Variants in CPNE4 observed in about 807,000 individuals in gnomAD.
The protein encoded by CPNE4 is copine 4, also known as copine-4.
Under a neutral mutation model 67.9 loss-of-function variants are expected in CPNE4, and 25 were observed. That is an observed-to-expected ratio of 0.37 (90% CI 0.27 to 0.51). The LOEUF (loss-of-function observed/expected upper bound fraction) is 0.51. Ranked by LOEUF, CPNE4 falls within the 20% of genes least tolerant of loss-of-function variation. The pLI is 0.93. For missense variants in CPNE4, 464 were observed against 690.8 expected (o/e 0.67, Z 3.68); for synonymous variants, 242 against 244.9 (o/e 0.99, Z 0.11).
intron 7 of CPNE4, among the ~76,000 whole-genome samples, chr3:131,637,745 A>G (rs1234686989): frequency 1.3e-5 from 2 of 152,212 alleles, no homozygotes; most frequent in African/African-American, 2.4e-5. Context: ...CCAGTTATCT[A>G]AAGTCAAGAT....
chr3:131,951,210 A>G (rs887756983), intron 1 of CPNE4, among the ~76,000 whole-genome samples: 29 of 152,196 alleles, frequency 1.9e-4, no homozygotes, highest in African/African-American at 6.8e-4. Flanking sequence ...AGAATATTGT[A>G]CATTTGGAAG....
Position 131,705,244 on chromosome 3 carries a change from C to A in CPNE4, c.361-5264G>T, listed in dbSNP as rs151048492. Reference sequence around the variant, plus strand: ...TATCCTTGCTACTCACATTGTATACCACTCCCCCGTCCAACAGCAGCAGCA... The same window carrying A: ...TATCCTTGCTACTCACATTGTATACAACTCCCCCGTCCAACAGCAGCAGCA... On this transcript the variant is annotated intron_variant, in intron 3 of 15. Transcript: ENST00000429747. Among the ~76,000 whole-genome samples the A allele has an allele frequency of 4.4e-3, 662 of 152,076 alleles. 5 individuals are homozygous for A. Among genetic ancestry groups the A allele is most frequent in the Non-Finnish European group, 7.0e-3 (475 of 68,000 alleles).
upstream of CPNE4, chr3:132,035,288 G>C (rs946338242): frequency 6.5e-6 from 1 of 153,644 alleles, no homozygotes; most frequent in African/African-American, 2.4e-5. Flanking sequence ...CGGTCGTATC[G>C]CGGCGCGGGT....
At chr3:131,554,130 G>A (rs1371032661) in intron 12 of CPNE4, among the ~76,000 whole-genome samples, 2 of 152,040 alleles carry the variant, frequency 1.3e-5, no homozygotes, top group African/African-American at 2.4e-5. Flanking sequence ...GTGGGGATGT[G>A]GTGAAAACTC....
At chr3:131,986,702 C>T (rs1416608606) in intron 1 of CPNE4, among the ~76,000 whole-genome samples, 1 of 151,960 alleles carries the variant, frequency 6.6e-6, no homozygotes, top group Non-Finnish European at 1.5e-5. Flanking sequence ...CGAGACCATC[C>T]TAGCTAACAT....
intron 2 of CPNE4, among the ~76,000 whole-genome samples, chr3:131,802,371 G>GAAA (rs3070294): frequency 0.011 from 1,739 of 152,292 alleles, 33 homozygotes; most frequent in African/African-American, 0.04. Flanking sequence ...AAAGGGTCAA[G>GAAA]AAAACTGGGA....
intron 1 of CPNE4, among the ~76,000 whole-genome samples, chr3:131,952,303 G>C (rs1166066631): frequency 6.6e-6 from 1 of 150,862 alleles, no homozygotes; most frequent in Non-Finnish European, 1.5e-5. Flanking sequence ...CCCCATCTGA[G>C]AAGTGAGGAG....
intron 2 of CPNE4, among the ~76,000 whole-genome samples, chr3:131,750,020 T>C (rs1384158846): frequency 6.6e-6 from 1 of 152,132 alleles, no homozygotes; most frequent in South Asian, 2.1e-4. Context: ...AGAGCAACTA[T>C]ACTAGCTTAG....
At chr3:131,633,558 C>G (rs916582135) in intron 7 of CPNE4, among the ~76,000 whole-genome samples, 8 of 151,404 alleles carry the variant, frequency 5.3e-5, no homozygotes, top group African/African-American at 2.0e-4. Context: ...TGAAAGTCTG[C>G]TGTCTAAGTA....
intron 2 of CPNE4, among the ~76,000 whole-genome samples, chr3:131,757,625 A>G (rs535049938): frequency 1.2e-4 from 18 of 152,364 alleles, no homozygotes; most frequent in African/African-American, 4.1e-4. Context: ...AGCCGGCTGC[A>G]GAAATTTGCA....
intron 2 of CPNE4, among the ~76,000 whole-genome samples, chr3:131,857,234 C>A (rs1010179362): frequency 1.3e-5 from 2 of 151,904 alleles, no homozygotes; most frequent in African/African-American, 4.8e-5. Context: ...AGGAAATTAC[C>A]CTTTAGGCCA....
chr3:132,000,175 T>C (rs908621611), intron 1 of CPNE4, among the ~76,000 whole-genome samples: 2 of 151,790 alleles, frequency 1.3e-5, no homozygotes, highest in African/African-American at 4.8e-5. Flanking sequence ...AAAAAGATAA[T>C]GCTATCATAA....
intron 7 of CPNE4, among the ~76,000 whole-genome samples, chr3:131,633,542 A>T (rs1175168338): frequency 6.6e-6 from 1 of 152,028 alleles, no homozygotes; most frequent in Admixed American, 6.5e-5. Flanking sequence ...CTAACTAAAA[A>T]TTTTTTGAAA....
At chr3:131,879,248 G>A (rs1269435124) in intron 2 of CPNE4, among the ~76,000 whole-genome samples, 2 of 152,164 alleles carry the variant, frequency 1.3e-5, no homozygotes, top group Non-Finnish European at 2.9e-5. Context: ...AATGAGCATG[G>A]AACTCTATGG....
chr3:132,035,356 G>A (rs1056784190), upstream of CPNE4: 1 of 152,212 alleles, frequency 6.6e-6, no homozygotes, highest in Non-Finnish European at 1.5e-5. Flanking sequence ...TCTTAGATGG[G>A]TGCTTAACTG....
intron 1 of CPNE4, among the ~76,000 whole-genome samples, chr3:132,017,134 C>T (rs1459682556): frequency 1.3e-5 from 2 of 152,118 alleles, no homozygotes; most frequent in East Asian, 3.9e-4. Context: ...ATCAAAATTC[C>T]ACACAAGCTA....
chr3:131,944,978 CA>C (rs1427769282), intron 1 of CPNE4, among the ~76,000 whole-genome samples: 1 of 152,068 alleles, frequency 6.6e-6, no homozygotes, highest in East Asian at 1.9e-4. Context: ...TCCCTAGTTC[CA>C]AAAATTGGGC....
At chr3:131,687,419 C>G (rs2080919389) in intron 5 of CPNE4, among the ~76,000 whole-genome samples, 1 of 152,066 alleles carries the variant, frequency 6.6e-6, no homozygotes, top group South Asian at 2.1e-4. Context: ...TGAATGGATA[C>G]CTGGTATAGG....
chr3:131,656,366 T>C (rs1425510936), intron 7 of CPNE4, among the ~76,000 whole-genome samples: 1 of 152,174 alleles, frequency 6.6e-6, no homozygotes, highest in Non-Finnish European at 1.5e-5. Flanking sequence ...GATGGAAACA[T>C]TAACCTAATT....
Sources: allele counts gnomAD v4.1 joint callset (sites outside exome capture counted in the v4.1 genomes callset), GRCh38; gene constraint gnomAD v4.1.1; transcripts MANE v1.5; gene names NCBI Gene and HGNC (gene_info 2026-07-23, HGNC 2026-07-21).